ANKRD30B: variants seen among roughly 807,000 people sequenced by gnomAD.
ANKRD30B encodes the protein ankyrin repeat domain-containing protein 30B.
A neutral mutation model predicts 202.2 loss-of-function variants in ANKRD30B; 144 were observed. That is an observed-to-expected ratio of 0.71 (90% CI 0.62 to 0.82). The LOEUF (loss-of-function observed/expected upper bound fraction) is 0.82. Among genes scored for constraint, ANKRD30B ranks in the 40% least tolerant of loss-of-function variants. The probability of loss-of-function intolerance (pLI) is 0.00; values close to 1 mark genes in which losing one functional copy is unlikely to be tolerated. For synonymous variants in ANKRD30B, 508 were observed against 561.3 expected (o/e 0.91, Z 1.34); for missense variants, 1,487 against 1,669.1 (o/e 0.89, Z 1.90).
Position 14,796,430 on chromosome 18 carries a change from T to A in ANKRD30B, c.1927+15T>A, listed in dbSNP as rs778844771. 4.2e-5 allele frequency: 64 copies of A among 1,539,052 alleles called. No individual in the cohort carries two copies. Among genetic ancestry groups the A allele is most frequent in the Non-Finnish European group, 5.4e-5 (62 of 1,142,740 alleles). On this transcript the variant is annotated intron_variant, in intron 18 of 43. Coordinates refer to ENST00000690538, the MANE Select transcript of ANKRD30B (RefSeq NM_001367607.2). The stretch of plus-strand genomic sequence containing the variant: ...ATTCAAAGCAGGTAAATTTTGTAAT[T>A]TAACTTTTAATCTGTAATTAAGAAT...
At chr18:14,864,337 A>AAAACCAAACC in the ANKRD30B span, among the ~76,000 whole-genome samples, 1 of 152,142 alleles carries the variant, frequency 6.6e-6, no homozygotes, top group African/African-American at 2.4e-5. Context: ...TCCGTCTCAA[A>AAAACCAAACC]AAACCAAACC....
the ANKRD30B span, among the ~76,000 whole-genome samples, chr18:14,860,401 G>A: frequency 1.6e-5 from 2 of 128,368 alleles, no homozygotes; most frequent in Non-Finnish European, 3.3e-5. Flanking sequence ...CCGGGCAGAG[G>A]CGCTCCTCAC....
intron 9 of ANKRD30B, among the ~76,000 whole-genome samples, chr18:14,774,489 A>G (rs944764871): frequency 1.3e-5 from 2 of 152,132 alleles, no homozygotes; most frequent in Admixed American, 1.3e-4. Flanking sequence ...TTTAGTGGCT[A>G]TGTATGATTT....
At chr18:14,909,531 C>T in the ANKRD30B span, among the ~76,000 whole-genome samples, 1 of 152,120 alleles carries the variant, frequency 6.6e-6, no homozygotes, top group Non-Finnish European at 1.5e-5. Flanking sequence ...CCTCAGCCTC[C>T]CAAATAGCTG....
chr18:14,936,688 C>A, the ANKRD30B span, among the ~76,000 whole-genome samples: 1 of 152,164 alleles, frequency 6.6e-6, no homozygotes. Context: ...GAGTAGCACT[C>A]CATTCTTTCC....
chr18:14,890,208 A>G, the ANKRD30B span: 1 of 563,166 alleles, frequency 1.8e-6, no homozygotes, highest in Non-Finnish European at 3.2e-6. Flanking sequence ...TTTTAATGTG[A>G]TTATTTACAC....
At chr18:14,762,769 G>A (rs562433076) in intron 6 of ANKRD30B, among the ~76,000 whole-genome samples, 1 of 152,230 alleles carries the variant, frequency 6.6e-6, no homozygotes, top group African/African-American at 2.4e-5. Flanking sequence ...GTGACACAAT[G>A]CATTGTACAA....
chr18:14,756,508 G>A (rs1243488673), intron 4 of ANKRD30B, among the ~76,000 whole-genome samples: 1 of 152,146 alleles, frequency 6.6e-6, no homozygotes, highest in South Asian at 2.1e-4. Context: ...GTATTGCCTA[G>A]GTTTTCTTCT....
chr18:14,864,199 G>T, the ANKRD30B span, among the ~76,000 whole-genome samples: 1 of 151,964 alleles, frequency 6.6e-6, no homozygotes. Flanking sequence ...GCTGGGCGTC[G>T]TGGTGCATGC....
chr18:14,845,873 G>A (rs187226918), intron 39 of ANKRD30B, among the ~76,000 whole-genome samples: 157 of 152,172 alleles, frequency 1.0e-3, no homozygotes, highest in African/African-American at 3.7e-3. Context: ...AGGCTCTCTG[G>A]GGTTATTTCT....
intron 16 of ANKRD30B, among the ~76,000 whole-genome samples, chr18:14,792,214 T>C (rs1245103158): frequency 1.3e-5 from 2 of 152,314 alleles, no homozygotes; most frequent in African/African-American, 4.8e-5. Flanking sequence ...GGTGATGCTA[T>C]TGCTGGTGGT....
chr18:14,761,410 T>A (rs181047626), intron 6 of ANKRD30B, among the ~76,000 whole-genome samples: 8 of 152,256 alleles, frequency 5.3e-5, no homozygotes, highest in Non-Finnish European at 1.2e-4. Flanking sequence ...TACCTGTGGG[T>A]AATTAATCTG....
At chr18:14,934,563 G>A in the ANKRD30B span, among the ~76,000 whole-genome samples, 1 of 152,154 alleles carries the variant, frequency 6.6e-6, no homozygotes, top group Non-Finnish European at 1.5e-5. Context: ...ATAGTACTCT[G>A]AAGCCAGGAG....
intron 34 of ANKRD30B, 77 bp downstream of exon 34, chr18:14,831,532 A>G: frequency 3.0e-6 from 2 of 677,600 alleles, no homozygotes; most frequent in East Asian, 5.9e-5. Flanking sequence ...CATGTTTAGC[A>G]GTGGTGTATG....
chr18:14,860,471 G>A, the ANKRD30B span, among the ~76,000 whole-genome samples: 1 of 136,544 alleles, frequency 7.3e-6, no homozygotes, highest in South Asian at 2.6e-4. Context: ...GGGTGGCCAG[G>A]CAGAGGCACT....
the ANKRD30B span, among the ~76,000 whole-genome samples, chr18:14,918,589 G>A: frequency 6.6e-6 from 1 of 152,064 alleles, no homozygotes; most frequent in South Asian, 2.1e-4. Flanking sequence ...TCTTCCTGAG[G>A]CCACTGGAAG....
chr18:14,795,874 G>A (rs1412365734), intron 16 of ANKRD30B, among the ~76,000 whole-genome samples: 4 of 149,856 alleles, frequency 2.7e-5, no homozygotes, highest in African/African-American at 9.8e-5. Flanking sequence ...TTTTGGCGGT[G>A]GGTCATGACT....
At chr18:14,818,743 T>A (rs1055248097) in intron 30 of ANKRD30B, among the ~76,000 whole-genome samples, 4 of 152,156 alleles carry the variant, frequency 2.6e-5, no homozygotes, top group Non-Finnish European at 5.9e-5. Context: ...TGCCACATTT[T>A]CTTAATCCAG....
chr18:14,748,343 G>T lies in ANKRD30B; in HGVS notation c.-77G>T. 7.9e-7 allele frequency: 1 copy of T among 1,268,416 alleles called. No individual in the cohort carries two copies. Among genetic ancestry groups the T allele is most frequent in the Non-Finnish European group, 1.0e-6 (1 of 956,218 alleles). 78.6% of individuals were successfully genotyped at this position (1,268,416 alleles called of 1,614,324 possible). ...GGCGGGTGCTGGGGAAGGGTAAGCGGGAAGCGAGGGCGAGGGGTAGGGGCT... is the reference window on the plus strand; with the variant it reads ...GGCGGGTGCTGGGGAAGGGTAAGCGTGAAGCGAGGGCGAGGGGTAGGGGCT... On this transcript the variant is annotated 5_prime_UTR_variant, in exon 1 of 44. Coordinates refer to ENST00000690538, the MANE Select transcript of ANKRD30B (RefSeq NM_001367607.2).
Sources: gnomAD v4.1 joint callset for allele counts (sites outside exome capture counted in the v4.1 genomes callset) on GRCh38, gnomAD v4.1.1 for gene constraint, MANE v1.5 for transcripts, NCBI Gene and HGNC (gene_info 2026-07-23, HGNC 2026-07-21) for gene names.